Variants in CHODL observed in about 807,000 individuals in gnomAD.
The protein encoded by CHODL is chondrolectin, also known as transmembrane protein MT75.
Under a neutral mutation model 34.5 loss-of-function variants are expected in CHODL, and 29 were observed. The observed-to-expected ratio is 0.84, with a 90% CI of 0.63 to 1.15. The LOEUF is 1.15. Ranked by LOEUF, CHODL falls within the 50% of genes most tolerant of loss-of-function variation. The pLI is 0.00. For missense variants in CHODL, 332 were observed against 332.5 expected, an observed-to-expected ratio of 1.00 and a Z score of 0.01; for synonymous variants, 125 against 116.1, an observed-to-expected ratio of 1.08 and a Z score of -0.49.
chr21:18,185,831 AC>A (rs1231193560), intron 2 of CHODL, among the ~76,000 whole-genome samples: 3 of 152,128 alleles, frequency 2.0e-5, no homozygotes, highest in Non-Finnish European at 4.4e-5. Context: ...CTTTTCACTA[AC>A]CTTATATGGT....
intron 2 of CHODL, among the ~76,000 whole-genome samples, chr21:18,189,629 A>ATTTTTTT (rs35604998): frequency 1.1e-4 from 10 of 94,596 alleles, no homozygotes; most frequent in Admixed American, 5.9e-4. Context: ...GAAGTGGGCA[A>ATTTTTTT]TTTTTTTTTT....
intron 1 of CHODL, among the ~76,000 whole-genome samples, chr21:17,971,395 G>A (rs550982534): frequency 6.6e-6 from 1 of 152,256 alleles, no homozygotes; most frequent in African/African-American, 2.4e-5. Flanking sequence ...TCCAGCATCT[G>A]TTGTTTCCTG....
At chr21:18,208,561 T>G (rs2073738783) in intron 2 of CHODL, among the ~76,000 whole-genome samples, 1 of 152,158 alleles carries the variant, frequency 6.6e-6, no homozygotes, top group Admixed American at 6.5e-5. Context: ...GTCGGTGTCT[T>G]TCTGGGCATT....
intron 1 of CHODL, among the ~76,000 whole-genome samples, chr21:17,953,223 TAACTC>T (rs758414004): frequency 7.0e-4 from 106 of 152,344 alleles, no homozygotes; most frequent in Non-Finnish European, 6.9e-4. Flanking sequence ...TATATAATAT[TAACTC>T]AAAGCAGACT....
chr21:18,089,717 T>G (rs923363608), intron 2 of CHODL, among the ~76,000 whole-genome samples: 1 of 152,132 alleles, frequency 6.6e-6, no homozygotes, highest in Non-Finnish European at 1.5e-5. Context: ...GAGACACCAT[T>G]AAAATGACAA....
chr21:18,181,493 C>G (rs901984361), intron 2 of CHODL, among the ~76,000 whole-genome samples: 1 of 152,190 alleles, frequency 6.6e-6, no homozygotes, highest in Non-Finnish European at 1.5e-5. Context: ...AGCTCCGCCT[C>G]CTGGGTTCCC....
intron 2 of CHODL, among the ~76,000 whole-genome samples, chr21:18,050,222 A>T (rs1413488856): frequency 6.6e-6 from 1 of 151,918 alleles, no homozygotes; most frequent in Non-Finnish European, 1.5e-5. Context: ...TGTTTAAAAA[A>T]CTGGAAGAAA....
intron 2 of CHODL, among the ~76,000 whole-genome samples, chr21:18,111,852 A>T (rs559781181): frequency 3.3e-4 from 50 of 152,176 alleles, no homozygotes; most frequent in Non-Finnish European, 5.1e-4. Flanking sequence ...CAACCAAGGG[A>T]TGTGATCTGT....
upstream of CHODL, among the ~76,000 whole-genome samples, chr21:18,244,324 T>A (rs1037048527): frequency 6.6e-6 from 1 of 152,338 alleles, no homozygotes; most frequent in East Asian, 1.9e-4. Context: ...TTGTGGCAGT[T>A]TTCGTCAAAC....
chr21:18,067,144 C>T (rs2064741998), intron 2 of CHODL, among the ~76,000 whole-genome samples: 1 of 152,156 alleles, frequency 6.6e-6, no homozygotes, highest in Non-Finnish European at 1.5e-5. Context: ...ATTTTCACAA[C>T]ACTTTTAAGC....
intron 1 of CHODL, among the ~76,000 whole-genome samples, chr21:17,960,007 G>A (rs174742): frequency 0.37 from 56,484 of 151,950 alleles, 11,412 homozygotes; most frequent in East Asian, 0.76. Flanking sequence ...GGGTGATAGA[G>A]GAGCAGATGA....
At chr21:18,203,734 A>G (rs1353882060) in intron 2 of CHODL, among the ~76,000 whole-genome samples, 1 of 152,166 alleles carries the variant, frequency 6.6e-6, no homozygotes, top group Non-Finnish European at 1.5e-5. Context: ...AAAGGAACAT[A>G]TTAATGTGCT....
chr21:18,166,993 G>A (rs1037383524), intron 2 of CHODL, among the ~76,000 whole-genome samples: 1 of 152,036 alleles, frequency 6.6e-6, no homozygotes, highest in African/African-American at 2.4e-5. Flanking sequence ...TTGTAGGAAT[G>A]GAAGTAGATT....
intron 2 of CHODL, among the ~76,000 whole-genome samples, chr21:18,084,622 T>C (rs1212499643): frequency 1.3e-5 from 2 of 152,200 alleles, no homozygotes; most frequent in African/African-American, 4.8e-5. Context: ...CACTGTGGTC[T>C]GAGAAGATAT....
intron 2 of CHODL, chr21:18,134,350 G>A (rs773071497): frequency 5.8e-6 from 3 of 517,708 alleles, no homozygotes; most frequent in South Asian, 2.8e-5. Flanking sequence ...TCACTTTTTA[G>A]TCCACTGAGT....
At chr21:18,192,667 G>C (rs564095498) in intron 2 of CHODL, among the ~76,000 whole-genome samples, 1 of 151,994 alleles carries the variant, frequency 6.6e-6, no homozygotes, top group South Asian at 2.1e-4. Context: ...CTATATTTTT[G>C]TTTGTATTGC....
intron 2 of CHODL, among the ~76,000 whole-genome samples, chr21:18,185,943 C>T (rs996464422): frequency 2.6e-5 from 4 of 152,116 alleles, no homozygotes; most frequent in African/African-American, 9.7e-5. Context: ...AAGGTCCCAC[C>T]TTCTAATACC....
chr21:18,234,602 G>A (rs2074012281), intron 2 of CHODL, among the ~76,000 whole-genome samples: 1 of 152,024 alleles, frequency 6.6e-6, no homozygotes, highest in Non-Finnish European at 1.5e-5. Context: ...GGGAGGCAGG[G>A]AACAATCCAC....
At chr21:18,182,079 T>C (rs1488663712) in intron 2 of CHODL, among the ~76,000 whole-genome samples, 1 of 152,192 alleles carries the variant, frequency 6.6e-6, no homozygotes, top group African/African-American at 2.4e-5. Context: ...TTTGAGCCTA[T>C]ACCCTAGGAA....
Sources: gnomAD v4.1 joint callset for allele counts (sites outside exome capture counted in the v4.1 genomes callset) on GRCh38, gnomAD v4.1.1 for gene constraint, MANE v1.5 for transcripts, NCBI Gene and HGNC (gene_info 2026-07-23, HGNC 2026-07-21) for gene names.